The following LOXHD1 variants were observed in gnomAD, a reference collection of about 807,000 sequenced individuals.
The protein encoded by LOXHD1 is lipoxygenase homology PLAT domains 1, also known as lipoxygenase homology domain-containing protein 1.
In LOXHD1, 205 loss-of-function variants were observed where a neutral mutation model predicts 248.2. The observed-to-expected ratio is 0.83, with a 90% CI of 0.74 to 0.93. The LOEUF is 0.93. LOXHD1 is among the 40% of genes least tolerant of loss of function. The pLI, the probability that LOXHD1 is intolerant of heterozygous loss-of-function variation, is 0.00. For missense variants in LOXHD1, 2,930 were observed against 2,971.6 expected, an observed-to-expected ratio of 0.99 and a Z score of 0.33; for synonymous variants, 1,113 against 1,162.8, an observed-to-expected ratio of 0.96 and a Z score of 0.87.
chr18:46,511,817 C>T (rs560787082), intron 34 of LOXHD1, among the ~76,000 whole-genome samples: 1 of 152,286 alleles, frequency 6.6e-6, no homozygotes, highest in Middle Eastern at 3.4e-3. Context: ...TCAGGATTGG[C>T]CAGGGTCAGA....
chr18:46,621,454 T>C (rs992620521), intron 4 of LOXHD1, among the ~76,000 whole-genome samples: 1 of 152,238 alleles, frequency 6.6e-6, no homozygotes, highest in African/African-American at 2.4e-5. Flanking sequence ...TAGGTGCATC[T>C]GCCGATGAGA....
At chr18:46,641,924 C>T (rs1185332332) in intron 3 of LOXHD1, 32 bp downstream of exon 3, 1 of 1,540,940 alleles carries the variant, frequency 6.5e-7, no homozygotes, top group Non-Finnish European at 8.8e-7. Flanking sequence ...TTCATCTCCA[C>T]CCTCAATCCT....
At position 46,607,570 on chromosome 18, in the gene LOXHD1, T is replaced by C. The variant is rs765128236; in HGVS notation, c.759+3206A>G. On this transcript the variant is annotated intron_variant, in intron 6 of 40. Coordinates refer to ENST00000642948, the MANE Select transcript of LOXHD1 (RefSeq NM_001384474.1). ...AACTGGTTATTTTTGGGTGGTAAAA[T>C]TATGAGTGGTTTTTTTTGTTGTTTA... 3.3e-5 allele frequency among the ~76,000 whole-genome samples: 5 copies of C among 151,808 alleles called. No individual in the cohort carries two copies. In the South Asian group the frequency reaches 6.2e-4, roughly 19 times the overall value.
chr18:46,597,353 A>T (rs771930137), intron 8 of LOXHD1, among the ~76,000 whole-genome samples: 1 of 152,358 alleles, frequency 6.6e-6, no homozygotes, highest in South Asian at 2.1e-4. Flanking sequence ...TACAATAAAT[A>T]TAAGCAGACT....
At chr18:46,491,189 A>G (rs2033447526) in intron 37 of LOXHD1, among the ~76,000 whole-genome samples, 3 of 152,224 alleles carry the variant, frequency 2.0e-5, no homozygotes, top group South Asian at 4.1e-4. Flanking sequence ...AGACACACAC[A>G]CAAACAGATT....
chr18:46,648,003 T>A (rs890595294), intron 2 of LOXHD1, among the ~76,000 whole-genome samples: 9 of 152,188 alleles, frequency 5.9e-5, no homozygotes, highest in Non-Finnish European at 1.0e-4. Flanking sequence ...ACACCTGTAA[T>A]CCTGGCACTT....
intron 1 of LOXHD1, among the ~76,000 whole-genome samples, chr18:46,651,435 C>A (rs976837211): frequency 2.0e-5 from 3 of 152,116 alleles, no homozygotes; most frequent in Non-Finnish European, 2.9e-5. Context: ...GCCCACACAG[C>A]TTGCACATAA....
rs775337046 is a variant in LOXHD1, at chr18:46,541,859, C to T, written c.3830G>A (p.Arg1277His). 2.3e-5 allele frequency: 36 copies of T among 1,551,572 alleles called. No homozygotes were observed. Among genetic ancestry groups the T allele is most frequent in the Admixed American group, 9.8e-5 (5 of 50,986 alleles). The stretch of plus-strand genomic sequence containing the variant: ...GTCGTCTTCGTTTTTGGCCAGCCAG[C>T]GGCCACAGGGAAACGTCATGCACTT... Reference protein sequence around the residue: ...LGKCMTFPCGRWLAKNEDDGS... With the variant: ...LGKCMTFPCGHWLAKNEDDGS... Residue 1277 changes from arginine (R) to histidine (H), a missense_variant, in exon 25 of 41, where the codon CGC becomes CAC. Transcript: ENST00000642948.
At chr18:46,493,496 T>C (rs1005858112) in intron 37 of LOXHD1, among the ~76,000 whole-genome samples, 2 of 152,264 alleles carry the variant, frequency 1.3e-5, no homozygotes, top group African/African-American at 4.8e-5. Context: ...GGGACAGTGC[T>C]TGGCATATTA....
Position 46,529,321 on chromosome 18 carries a change from G to A in LOXHD1, c.4386C>T (p.Tyr1462=). The A allele has an allele frequency of 1.3e-6, 2 of 1,545,222 alleles. No homozygotes were observed. Among genetic ancestry groups the A allele is most frequent in the Non-Finnish European group, 1.8e-6 (2 of 1,142,178 alleles). ...TGTTCCCTGTGAAGATCTGCACCGA[G>A]TACAGCACAACTGGGCAGGTGGTGG... ...EVEEPLDIVL[Y]SVQIFTGNIP... Residue 1462 remains tyrosine, a synonymous_variant, in exon 29 of 41, where the codon TAC becomes TAT. Transcript: ENST00000642948.
rs113444922 is a variant in LOXHD1, at chr18:46,591,948, G to A, written c.1639C>T (p.Arg547Cys). 114 of 1,551,724 alleles carry A rather than the reference G, an allele frequency of 7.3e-5. No homozygotes were observed. Among genetic ancestry groups the A allele is most frequent in the Middle Eastern group, 3.3e-4 (2 of 6,014 alleles). The change falls in exon 12 of 41, where the codon CGC (arginine) becomes TGC (cysteine). Residue 547 changes from arginine to cysteine, a missense_variant. Transcript: ENST00000642948. ...REMTAEGPTV[R>C]RIMGMARYHV... is the part of the protein sequence containing the mutation. Reference sequence around the variant, plus strand: ...CAGTACTTACTGCCCATGATCCTGCGCACTGTTGGGCCTTCTGCAGTCATT... The same window carrying A: ...CAGTACTTACTGCCCATGATCCTGCACACTGTTGGGCCTTCTGCAGTCATT...
intron 14 of LOXHD1, among the ~76,000 whole-genome samples, chr18:46,572,542 AG>A (rs1361292747): frequency 4.6e-5 from 7 of 152,246 alleles, no homozygotes; most frequent in Admixed American, 4.6e-4. Flanking sequence ...AACAACAGGT[AG>A]AGAGCTGGCA....
chr18:46,599,836 A>C (rs1465072026), intron 8 of LOXHD1, among the ~76,000 whole-genome samples: 2 of 152,236 alleles, frequency 1.3e-5, no homozygotes, highest in Non-Finnish European at 2.9e-5. Context: ...GGTAGTAATC[A>C]TAAAAATAAG....
chr18:46,507,832 G>C lies in LOXHD1; in HGVS notation c.5518-120C>G, dbSNP rs11659968. On this transcript the variant is annotated intron_variant, in intron 35 of 40. Transcript: ENST00000642948. The stretch of plus-strand genomic sequence containing the variant: ...TGGAGATCCCAGACCTGAGACAAGC[G>C]CTTGCGACTGAGACCCACGGGGTGT... The C allele has an allele frequency of 0.084, 89,697 of 1,073,252 alleles. 4,253 individuals carry two copies. Among genetic ancestry groups the C allele is most frequent in the Admixed American group, 0.11 (4,359 of 39,028 alleles). The allele number at this position is 1,073,252 out of a possible 1,614,324, so 66.5% of individuals were successfully genotyped here.
At chr18:46,629,883 C>T (rs973326776) in intron 4 of LOXHD1, among the ~76,000 whole-genome samples, 2 of 152,078 alleles carry the variant, frequency 1.3e-5, no homozygotes, top group Non-Finnish European at 1.5e-5. Flanking sequence ...TCATCCACCC[C>T]TCCCACCACC....
intron 28 of LOXHD1, among the ~76,000 whole-genome samples, chr18:46,532,850 G>A (rs1015262807): frequency 2.6e-5 from 4 of 152,238 alleles, no homozygotes; most frequent in Non-Finnish European, 4.4e-5. Context: ...AAACAGGGAC[G>A]AGGATAAACC....
intron 37 of LOXHD1, among the ~76,000 whole-genome samples, chr18:46,490,257 C>T (rs1386344477): frequency 6.6e-6 from 1 of 152,146 alleles, no homozygotes; most frequent in Non-Finnish European, 1.5e-5. Flanking sequence ...CAAAGAGACA[C>T]AAAAAGATAG....
chr18:46,532,582 G>T (rs954311766), intron 28 of LOXHD1, among the ~76,000 whole-genome samples: 3 of 101,440 alleles, frequency 3.0e-5, no homozygotes, highest in Non-Finnish European at 6.7e-5. Flanking sequence ...GAAGTACAAG[G>T]AGTGGCCAGT....
chr18:46,555,176 C>T (rs780249520), intron 21 of LOXHD1: 22 of 470,978 alleles, frequency 4.7e-5, no homozygotes, highest in South Asian at 3.4e-4. Flanking sequence ...TGTCCCCAGC[C>T]TCATGGTTCT....
Sources: gnomAD v4.1 joint callset for allele counts (sites outside exome capture counted in the v4.1 genomes callset) on GRCh38, gnomAD v4.1.1 for gene constraint, MANE v1.5 for transcripts, NCBI Gene and HGNC (gene_info 2026-07-23, HGNC 2026-07-21) for gene names.